GATAD2B: variants seen among roughly 807,000 people sequenced by gnomAD.
The protein encoded by GATAD2B is GATA zinc finger domain containing 2B, also known as transcriptional repressor p66-beta.
GATAD2B carries 8 observed loss-of-function variants against 64.3 expected under a neutral mutation model. The observed-to-expected ratio is 0.12, with a 90% CI of 0.07 to 0.22. GATAD2B has a LOEUF of 0.22. Ranked by LOEUF, GATAD2B falls within the 10% of genes least tolerant of loss-of-function variation. The pLI, the probability that GATAD2B is intolerant of heterozygous loss-of-function variation, is 1.00. For missense variants in GATAD2B, 453 were observed against 752.0 expected, an observed-to-expected ratio of 0.60 and a Z score of 4.65; for synonymous variants, 281 against 271.3, an observed-to-expected ratio of 1.04 and a Z score of -0.35.
chr1:153,847,718 T>C (rs1675737964), intron 1 of GATAD2B, among the ~76,000 whole-genome samples: 1 of 152,218 alleles, frequency 6.6e-6, no homozygotes, highest in South Asian at 2.1e-4. Flanking sequence ...CTCCATTTTC[T>C]CTACCCTTCC....
At chr1:153,916,962 C>G (rs1678286187) in intron 1 of GATAD2B, among the ~76,000 whole-genome samples, 1 of 151,852 alleles carries the variant, frequency 6.6e-6, no homozygotes, top group South Asian at 2.1e-4. Flanking sequence ...CGCCCACCAC[C>G]ATGTCTGGCT....
intron 1 of GATAD2B, among the ~76,000 whole-genome samples, chr1:153,875,724 A>C (rs2101934261): frequency 6.6e-6 from 1 of 151,338 alleles, no homozygotes; most frequent in East Asian, 1.9e-4. Flanking sequence ...CAAGCTGGCT[A>C]AAATAAACTA....
chr1:153,822,696 A>G (rs1208860085), intron 2 of GATAD2B, among the ~76,000 whole-genome samples: 1 of 152,000 alleles, frequency 6.6e-6, no homozygotes, highest in East Asian at 1.9e-4. Context: ...ACGGGGTTTC[A>G]CTATGTTGGC....
chr1:153,914,622 T>C (rs1366913909), intron 1 of GATAD2B: 3 of 152,152 alleles, frequency 2.0e-5, no homozygotes, highest in South Asian at 2.1e-4. Context: ...TGCTAGGCAA[T>C]GGAAATACAA....
Position 153,875,200 on chromosome 1 carries a change from T to C in GATAD2B, c.-1-46852A>G, listed in dbSNP as rs1378672850. Reference sequence around the variant, plus strand: ...GCCAAATTTAGTCTCATTATTTCTCTTCTGATTTCTAGAACTTGCTTCATA... The same window carrying C: ...GCCAAATTTAGTCTCATTATTTCTCCTCTGATTTCTAGAACTTGCTTCATA... On this transcript the variant is annotated intron_variant, in intron 1 of 10. Transcript: ENST00000368655. Among the ~76,000 whole-genome samples the C allele has an allele frequency of 2.6e-5, 4 of 152,142 alleles. No homozygotes were observed. In the East Asian group the frequency reaches 7.7e-4, roughly 29 times the overall value.
At chr1:153,903,679 C>A (rs887802993) in intron 1 of GATAD2B, among the ~76,000 whole-genome samples, 2 of 152,158 alleles carry the variant, frequency 1.3e-5, no homozygotes, top group Admixed American at 6.6e-5. Flanking sequence ...CCTAAATATT[C>A]TTTCCCAATA....
At chr1:153,853,971 T>C (rs1675996107) in intron 1 of GATAD2B, among the ~76,000 whole-genome samples, 2 of 152,202 alleles carry the variant, frequency 1.3e-5, no homozygotes, top group African/African-American at 4.8e-5. Flanking sequence ...AGTTTCCTTG[T>C]TTCCTCAAAC....
At chr1:153,831,797 C>A (rs1187951432) in intron 1 of GATAD2B, among the ~76,000 whole-genome samples, 1 of 152,124 alleles carries the variant, frequency 6.6e-6, no homozygotes, top group Non-Finnish European at 1.5e-5. Context: ...CTGGACATAC[C>A]ATGGTAAGTT....
intron 1 of GATAD2B, among the ~76,000 whole-genome samples, chr1:153,851,088 T>C (rs1675881643): frequency 6.6e-6 from 1 of 152,120 alleles, no homozygotes; most frequent in South Asian, 2.1e-4. Context: ...TTTACATACA[T>C]TGTTTAGCAA....
intron 1 of GATAD2B, among the ~76,000 whole-genome samples, chr1:153,917,718 A>G (rs986532390): frequency 6.6e-6 from 1 of 152,160 alleles, no homozygotes; most frequent in Non-Finnish European, 1.5e-5. Context: ...TATTAACTAC[A>G]TGCCAGGCAC....
intron 10 of GATAD2B, among the ~76,000 whole-genome samples, chr1:153,810,976 G>C (rs1674274271): frequency 6.6e-6 from 1 of 151,836 alleles, no homozygotes; most frequent in Non-Finnish European, 1.5e-5. Flanking sequence ...TGTTGGCCAG[G>C]GTGGTCTTGA....
At chr1:153,815,881 C>A (rs539615402) in intron 7 of GATAD2B, among the ~76,000 whole-genome samples, 1 of 152,142 alleles carries the variant, frequency 6.6e-6, no homozygotes, top group Admixed American at 6.5e-5. Context: ...GATGAAACCC[C>A]GTCTCTACTA....
intron 10 of GATAD2B, 50 bp from the exon 11 acceptor site, chr1:153,810,360 C>T: frequency 1.3e-6 from 2 of 1,580,868 alleles, no homozygotes; most frequent in Non-Finnish European, 1.7e-6. Flanking sequence ...GAGGAAATAA[C>T]ATTCCCTTCC....
In GATAD2B at chr1:153,852,619, T is replaced by C; in HGVS notation, c.-1-24271A>G. ...TGATTGGCACTATGCACACTCTTCC[T>C]GGCAAATTCAATCAAGTGAACAGAA... is the stretch of plus-strand genomic sequence containing the variant. On this transcript the variant is annotated intron_variant, in intron 1 of 10. Transcript: ENST00000368655. The C allele has an allele frequency of 3.8e-6, 3 of 797,446 alleles. No homozygotes were observed. The South Asian group carries it at 4.0e-5, about 11-fold the overall frequency. The allele number at this position is 797,446 out of a possible 1,614,324, so 49.4% of individuals were successfully genotyped here.
intron 1 of GATAD2B, among the ~76,000 whole-genome samples, chr1:153,891,421 T>C (rs551745255): frequency 6.7e-6 from 1 of 150,262 alleles, no homozygotes; most frequent in East Asian, 2.0e-4. Context: ...TATAAAAAAT[T>C]AGCTAGGTGT....
intron 1 of GATAD2B, among the ~76,000 whole-genome samples, chr1:153,902,011 T>C (rs891854501): frequency 6.9e-6 from 1 of 144,698 alleles, no homozygotes; most frequent in African/African-American, 2.5e-5. Flanking sequence ...CCGCGCACAG[T>C]GGTTCACACC....
intron 1 of GATAD2B, among the ~76,000 whole-genome samples, chr1:153,889,427 A>AC (rs1170267643): frequency 6.6e-6 from 1 of 150,876 alleles, no homozygotes; most frequent in Non-Finnish European, 1.5e-5. Flanking sequence ...AAAAAAAAAA[A>AC]AAAAAAAAAC....
chr1:153,837,189 G>C (rs1213296748), intron 1 of GATAD2B, among the ~76,000 whole-genome samples: 1 of 152,016 alleles, frequency 6.6e-6, no homozygotes, highest in Non-Finnish European at 1.5e-5. Flanking sequence ...GGTACCTAGA[G>C]ATAGAAAGTA....
chr1:153,905,370 C>T (rs747830522), intron 1 of GATAD2B, among the ~76,000 whole-genome samples: 4 of 150,926 alleles, frequency 2.7e-5, no homozygotes, highest in Non-Finnish European at 4.4e-5. Flanking sequence ...GAGCCTGACT[C>T]GGTCTCAAAA....
Sources: allele counts gnomAD v4.1 joint callset (sites outside exome capture counted in the v4.1 genomes callset), GRCh38; gene constraint gnomAD v4.1.1; transcripts MANE v1.5; gene names NCBI Gene and HGNC (gene_info 2026-07-23, HGNC 2026-07-21).